The following ATG16L2 variants were observed in gnomAD, a reference collection of about 807,000 sequenced individuals.
ATG16L2 encodes protein Atg16l2.
ATG16L2 carries 77 observed loss-of-function variants against 84.7 expected under a neutral mutation model. That is an observed-to-expected ratio of 0.91 (90% CI 0.76 to 1.10). The LOEUF (loss-of-function observed/expected upper bound fraction) is 1.10. Among genes scored for constraint, ATG16L2 ranks in the 50% least tolerant of loss-of-function variants. The pLI is 0.00. For synonymous variants in ATG16L2, 361 were observed against 342.8 expected (o/e 1.05, Z -0.59); for missense variants, 782 against 817.6 (o/e 0.96, Z 0.53).
At chr11:72,815,461 C>G (rs1859651285) in intron 1 of ATG16L2, among the ~76,000 whole-genome samples, 1 of 152,174 alleles carries the variant, frequency 6.6e-6, no homozygotes, top group Non-Finnish European at 1.5e-5. Flanking sequence ...CTCAGACAGA[C>G]AGTGGAACCG....
exon 6 of ATG16L2, chr11:72,843,536 C>A (rs1490395798): frequency 6.2e-7 from 1 of 1,610,980 alleles, no homozygotes; most frequent in Admixed American, 1.7e-5. Context: ...GAGAAGCCTG[C>A]AGTGTAGGAT....
In ATG16L2 at chr11:72,821,848, T is replaced by TC. The variant is rs1860013319; in HGVS notation, c.392+113dup. On this transcript the variant is annotated intron_variant, in intron 4 of 17. Coordinates refer to ENST00000321297, the MANE Select transcript of ATG16L2 (RefSeq NM_033388.2). ...GCGCGGGCCGAGATCTTTCCCTACGTCCCCCCGACCCCATCGGTTGGTGCC... is the reference window on the plus strand; with the variant it reads ...GCGCGGGCCGAGATCTTTCCCTACGTCCCCCCCGACCCCATCGGTTGGTGCC... The TC allele has an allele frequency of 4.8e-6, 7 of 1,454,588 alleles. No individual in the cohort carries two copies. The East Asian group carries it at 1.8e-4, about 36-fold the overall frequency. 90.1% of individuals were successfully genotyped at this position (1,454,588 alleles called of 1,614,324 possible).
intron 14 of ATG16L2, 39 bp downstream of exon 14, chr11:72,827,332 GGGGA>G: frequency 2.0e-6 from 3 of 1,518,982 alleles, no homozygotes; most frequent in Non-Finnish European, 2.7e-6. Flanking sequence ...GGGGAGGGCT[GGGGA>G]CAGGGCTCCC....
downstream of ATG16L2, chr11:72,829,752 C>T (rs1426713797): frequency 4.9e-5 from 27 of 545,794 alleles, no homozygotes; most frequent in Middle Eastern, 8.5e-4. Flanking sequence ...GGCAGCCAGC[C>T]GAGTCTCTGC....
intron 4 of ATG16L2, 151 bp from the exon 5 acceptor site, chr11:72,821,893 C>T: frequency 7.1e-7 from 1 of 1,418,140 alleles, no homozygotes; most frequent in Non-Finnish European, 9.3e-7. Context: ...AACGGCTGGG[C>T]TCTGAGGGCG....
intron 3 of ATG16L2, chr11:72,821,225 T>G: frequency 1.0e-6 from 1 of 991,496 alleles, no homozygotes; most frequent in Non-Finnish European, 1.2e-6. Flanking sequence ...AGCCTCCTGG[T>G]GTGGTGAGGA....
rs61738587 is a variant in ATG16L2 at position 72,825,333 on chromosome 11, G to A, written c.1028G>A (p.Arg343His). 2.8e-3 allele frequency: 4,465 copies of A among 1,613,576 alleles called. 14 individuals are homozygous for A. Among genetic ancestry groups the A allele is most frequent in the Non-Finnish European group, 3.5e-3 (4,156 of 1,179,968 alleles). The change falls in exon 10 of 18, where the codon CGT (arginine) becomes CAT (histidine). Residue 343 changes from arginine to histidine, a missense_variant. Transcript: ENST00000321297. ...DAHLSEVNAV[R>H]FGPNSSLLAT... ...CACCTCTCTGAGGTCAATGCTGTTCGTTTTGGCCCCAACAGCAGCCTCCTG... is the reference window on the plus strand; with the variant it reads ...CACCTCTCTGAGGTCAATGCTGTTCATTTTGGCCCCAACAGCAGCCTCCTG...
rs767771115 is a variant in ATG16L2, at chr11:72,826,160, C to A, written c.1103-13C>A. 2 of 1,610,480 alleles carry A rather than the reference C, an allele frequency of 1.2e-6. No individual in the cohort carries two copies. The highest frequency in any genetic ancestry group is 2.7e-5 in the African/African-American group (2 of 74,872). ...GACCTCATTTCAACTGTCCCTTCCCCTGGTCCTCCCAGGTCGCCTGGAGGC... is the reference window on the plus strand; with the variant it reads ...GACCTCATTTCAACTGTCCCTTCCCATGGTCCTCCCAGGTCGCCTGGAGGC... On this transcript the variant is annotated splice_polypyrimidine_tract_variant and intron_variant, in intron 10 of 17. Transcript: ENST00000321297.
chr11:72,827,956 A>ACC (rs1327017005), intron 14 of ATG16L2, among the ~76,000 whole-genome samples: 12 of 152,046 alleles, frequency 7.9e-5, no homozygotes, highest in African/African-American at 1.9e-4. Context: ...CAAAACCAAA[A>ACC]ACAAAACAAA....
At chr11:72,824,568 C>T (rs1012942907) in intron 8 of ATG16L2, 166 bp from the exon 9 acceptor site, 1 of 642,032 alleles carries the variant, frequency 1.6e-6, no homozygotes, top group Admixed American at 2.4e-5. Flanking sequence ...CCACACCAAC[C>T]CCTGGGGTCG....
intron 3 of ATG16L2, 180 bp from the exon 4 acceptor site, chr11:72,821,488 C>A: frequency 7.1e-7 from 1 of 1,412,296 alleles, no homozygotes; most frequent in Non-Finnish European, 9.2e-7. Flanking sequence ...GAGGGCCTTC[C>A]ACTGCTCCAC....
exon 6 of ATG16L2, chr11:72,842,624 A>G: frequency 6.2e-7 from 1 of 1,614,006 alleles, no homozygotes; most frequent in Non-Finnish European, 8.5e-7. Context: ...CAGGTACCTG[A>G]ATCTCTCTCA....
rs946830094 is a variant in ATG16L2 at position 72,822,421 on chromosome 11, C to T, written c.645-57C>T. The T allele has an allele frequency of 1.9e-6, 3 of 1,609,516 alleles. No individual in the cohort carries two copies. The highest frequency in any genetic ancestry group is 1.1e-5 in the South Asian group (1 of 90,616). ...CCCTGGAGGAAGGGACCGGGTCTAG[C>T]CCCGCCTGCGTGCGAGGCGCCGCGC... On this transcript the variant is annotated intron_variant, in intron 5 of 17. Transcript: ENST00000321297. This position sits in a 1 kb window ranked among gnomAD's most constrained non-coding sequence, Gnocchi z 4.2.
rs758595614 is a variant in ATG16L2 at position 72,842,713 on chromosome 11, A to G, written c.*118A>G. The G allele has an allele frequency of 3.7e-6, 6 of 1,613,904 alleles. No homozygotes were observed. In the African/African-American group the frequency reaches 8.0e-5, roughly 22 times the overall value. On this transcript the variant is annotated 3_prime_UTR_variant, in exon 6 of 6. Coordinates refer to the ATG16L2 transcript ENST00000534905. ...GGGAAAACTCCAATACGCCCATTGA[A>G]TTCCCCTTCCCAGAAGCCATCATCA...
At chr11:72,827,544 C>A (rs930896413) in intron 14 of ATG16L2, among the ~76,000 whole-genome samples, 4 of 152,206 alleles carry the variant, frequency 2.6e-5, no homozygotes, top group Non-Finnish European at 4.4e-5. Flanking sequence ...GGAGATGTAC[C>A]TTTTTCCATT....
At chr11:72,823,505 G>T in intron 7 of ATG16L2, 1 of 370,212 alleles carries the variant, frequency 2.7e-6, no homozygotes, top group South Asian at 2.0e-5. Flanking sequence ...GAGGCTGCCC[G>T]CTCTGGGCGC....
Position 72,829,471 on chromosome 11 carries a change from G to A in ATG16L2, c.*81G>A. ...CGGCGCCATGCAGGGGTTGGGGTTG[G>A]GACTGGAGCTGGCCTTGGGATTTAA... On this transcript the variant is annotated 3_prime_UTR_variant, in exon 18 of 18. Transcript: ENST00000321297. 1 of 1,534,052 alleles carries A rather than the reference G, an allele frequency of 6.5e-7. No homozygotes were observed. The highest frequency in any genetic ancestry group is 8.8e-7 in the Non-Finnish European group (1 of 1,139,788).
chr11:72,831,383 G>A (rs1399456866), downstream of ATG16L2, among the ~76,000 whole-genome samples: 1 of 152,224 alleles, frequency 6.6e-6, no homozygotes, highest in Admixed American at 6.5e-5. Flanking sequence ...GCACATGCCT[G>A]TAATCCCAGC....
At chr11:72,841,473 G>A (rs1860942388) in intron 5 of ATG16L2, 3 of 1,611,110 alleles carry the variant, frequency 1.9e-6, no homozygotes, top group Admixed American at 1.7e-5. Flanking sequence ...AAGGAGACCG[G>A]GGAAAGTACA....
Sources: allele counts gnomAD v4.1 joint callset (sites outside exome capture counted in the v4.1 genomes callset), GRCh38; gene constraint gnomAD v4.1.1; non-coding constraint Gnocchi (gnomAD v3.1); transcripts MANE v1.5; gene names NCBI Gene and HGNC (gene_info 2026-07-23, HGNC 2026-07-21).